The following CDH4 variants were observed in gnomAD, a reference collection of about 807,000 sequenced individuals.
The protein encoded by CDH4 is cadherin 4.
In CDH4, 33 loss-of-function variants were observed where a neutral mutation model predicts 86.0. The ratio of observed to expected loss-of-function variants is 0.38; its 90% confidence interval spans 0.29 to 0.51. The LOEUF is 0.51. CDH4 is among the 20% of genes least tolerant of loss of function. The pLI is 0.86. For missense variants in CDH4, 1,114 were observed against 1,307.4 expected (o/e 0.85, Z 2.28); for synonymous variants, 555 against 549.4 (o/e 1.01, Z -0.14).
intron 2 of CDH4, among the ~76,000 whole-genome samples, chr20:61,523,319 C>A (rs746663490): frequency 5.4e-4 from 82 of 152,378 alleles, no homozygotes; most frequent in Middle Eastern, 3.4e-3. Context: ...CCACGCTGGT[C>A]TCTGCTCGCC....
At chr20:61,455,685 G>T (rs2085403188) in intron 2 of CDH4, among the ~76,000 whole-genome samples, 1 of 152,134 alleles carries the variant, frequency 6.6e-6, no homozygotes, top group Non-Finnish European at 1.5e-5. Flanking sequence ...AGAAGCTAAT[G>T]GCATCCCTAG....
intron 2 of CDH4, among the ~76,000 whole-genome samples, chr20:61,587,148 A>T (rs1461035687): frequency 6.6e-6 from 1 of 152,192 alleles, no homozygotes; most frequent in Non-Finnish European, 1.5e-5. Flanking sequence ...CCGAGAATCC[A>T]AGAGAGCCCA....
chr20:61,725,609 C>T (rs752140002), intron 2 of CDH4, among the ~76,000 whole-genome samples: 1 of 152,092 alleles, frequency 6.6e-6, no homozygotes, highest in African/African-American at 2.4e-5. Context: ...ATACAGAAAA[C>T]AAGAAACACC....
chr20:61,464,295 T>A (rs1420477267), intron 2 of CDH4, among the ~76,000 whole-genome samples: 1 of 152,212 alleles, frequency 6.6e-6, no homozygotes, highest in Non-Finnish European at 1.5e-5. Flanking sequence ...TATTTCCAGG[T>A]ACAGTTATTA....
At chr20:61,583,112 G>A (rs948683894) in intron 2 of CDH4, among the ~76,000 whole-genome samples, 14 of 150,406 alleles carry the variant, frequency 9.3e-5, no homozygotes, top group East Asian at 4.0e-4. Context: ...AGAGGGTACC[G>A]TGCAACAGAA....
At chr20:61,870,599 C>T (rs1009778043) in intron 6 of CDH4, among the ~76,000 whole-genome samples, 1 of 152,174 alleles carries the variant, frequency 6.6e-6, no homozygotes, top group African/African-American at 2.4e-5. Context: ...CATGTGGATC[C>T]TCACAGGTTT....
In CDH4 at chr20:61,252,593, C is replaced by A; in HGVS notation, c.57+23C>A. On this transcript the variant is annotated intron_variant, in intron 1 of 15. Coordinates refer to ENST00000614565, the MANE Select transcript of CDH4 (RefSeq NM_001794.5). This position sits in a 1 kb window ranked among gnomAD's most constrained non-coding sequence, Gnocchi z 4.4. ...CGGGTAAGTTGCCGCCTCCCGCCCCCGCCGTTCGGAAGCCCCGGGCAGCGG... is the reference window on the plus strand; with the variant it reads ...CGGGTAAGTTGCCGCCTCCCGCCCCAGCCGTTCGGAAGCCCCGGGCAGCGG... 3 of 1,200,672 alleles carry A rather than the reference C, an allele frequency of 2.5e-6. No individual in the cohort carries two copies. The highest frequency in any genetic ancestry group is 1.0e-6 in the Non-Finnish European group (1 of 966,738). 74.4% of individuals were successfully genotyped at this position (1,200,672 alleles called of 1,614,324 possible).
intron 8 of CDH4, among the ~76,000 whole-genome samples, chr20:61,900,135 A>G (rs950321527): frequency 6.6e-6 from 1 of 152,178 alleles, no homozygotes; most frequent in African/African-American, 2.4e-5. Flanking sequence ...GGGCTGACCC[A>G]GGGCAGCTCT....
rs912807653 is a variant in CDH4, at chr20:61,676,704, C to T, written c.170-66859C>T. On this transcript the variant is annotated intron_variant, in intron 2 of 15. Transcript: ENST00000614565. The surrounding 1 kb of genome is among the most constrained non-coding windows in gnomAD (Gnocchi z 4.5). Reference sequence around the variant, plus strand: ...CACCCCCAGGAGCCTATGGAAGTGACCAGATGATAAACCTTGATGTAATAC... The same window carrying T: ...CACCCCCAGGAGCCTATGGAAGTGATCAGATGATAAACCTTGATGTAATAC... Among the ~76,000 whole-genome samples the T allele has an allele frequency of 1.3e-5, 2 of 152,160 alleles. No individual in the cohort carries two copies. The highest frequency in any genetic ancestry group is 4.8e-5 in the African/African-American group (2 of 41,434).
intron 2 of CDH4, among the ~76,000 whole-genome samples, chr20:61,391,553 C>T (rs2084986222): frequency 6.6e-6 from 1 of 151,378 alleles, no homozygotes; most frequent in Non-Finnish European, 1.5e-5. Flanking sequence ...AGAGGAGGCT[C>T]CTTCTTAGAC....
At chr20:61,462,195 C>G in intron 2 of CDH4, among the ~76,000 whole-genome samples, 1 of 152,176 alleles carries the variant, frequency 6.6e-6, no homozygotes, top group East Asian at 1.9e-4. Flanking sequence ...CCCAGCCTTG[C>G]CAAAATCTTG....
At chr20:61,321,319 G>A (rs1382389384) in intron 2 of CDH4, among the ~76,000 whole-genome samples, 1 of 151,994 alleles carries the variant, frequency 6.6e-6, no homozygotes, top group African/African-American at 2.4e-5. Flanking sequence ...GAGGGAGGAG[G>A]CGAGGCAGGT....
chr20:61,418,060 G>A (rs1405499708), intron 2 of CDH4, among the ~76,000 whole-genome samples: 11 of 150,996 alleles, frequency 7.3e-5, no homozygotes, highest in African/African-American at 2.7e-4. Context: ...CTGTTAAATG[G>A]CAAATGCTGA....
At chr20:61,405,694 A>C (rs985007217) in intron 2 of CDH4, among the ~76,000 whole-genome samples, 2 of 147,098 alleles carry the variant, frequency 1.4e-5, no homozygotes, top group African/African-American at 5.2e-5. Context: ...CTATGTATCT[A>C]TAATTTTTTT....
intron 2 of CDH4, among the ~76,000 whole-genome samples, chr20:61,416,008 C>CTTT (rs200908333): frequency 5.5e-4 from 74 of 135,428 alleles, no homozygotes; most frequent in African/African-American, 1.9e-3. Context: ...CCTCTCCTTC[C>CTTT]TTTTTTTTTT....
At chr20:61,848,515 T>TTATTG (rs139603252) in intron 5 of CDH4, among the ~76,000 whole-genome samples, 67,622 of 150,682 alleles carry the variant, frequency 0.45, 17,053 homozygotes, top group Non-Finnish European at 0.58. Flanking sequence ...AGGACTTTTT[T>TTATTG]TATTGTATTG....
intron 2 of CDH4, among the ~76,000 whole-genome samples, chr20:61,629,494 G>T (rs1313016174): frequency 6.6e-6 from 1 of 152,234 alleles, no homozygotes; most frequent in Non-Finnish European, 1.5e-5. Context: ...GCTGTTATCT[G>T]TCCTCCACAC....
chr20:61,633,748 G>A (rs113955656), intron 2 of CDH4, among the ~76,000 whole-genome samples: 2,970 of 152,298 alleles, frequency 0.02, 83 homozygotes, highest in African/African-American at 0.066. Flanking sequence ...GAGAACTGAC[G>A]AGACCGTCAA....
At chr20:61,481,281 C>A (rs2427126) in intron 2 of CDH4, among the ~76,000 whole-genome samples, 52,514 of 152,108 alleles carry the variant, frequency 0.35, 11,063 homozygotes, top group Admixed American at 0.48. Flanking sequence ...GGTGAACGTC[C>A]TGCAACACCC....
Sources: allele counts gnomAD v4.1 joint callset (sites outside exome capture counted in the v4.1 genomes callset), GRCh38; gene constraint gnomAD v4.1.1; non-coding constraint Gnocchi (gnomAD v3.1); transcripts MANE v1.5; gene names NCBI Gene and HGNC (gene_info 2026-07-23, HGNC 2026-07-21).